Variants in MRPL38 observed in about 807,000 individuals in gnomAD.
MRPL38 encodes mitochondrial ribosomal protein L38, also known as large ribosomal subunit protein mL38.
In MRPL38, 51 loss-of-function variants were observed where a neutral mutation model predicts 52.1. That is an observed-to-expected ratio of 0.98 (90% CI 0.78 to 1.24). MRPL38 has a LOEUF of 1.24. Among genes scored for constraint, MRPL38 ranks in the 50% most tolerant of loss-of-function variants. The pLI, the probability that MRPL38 is intolerant of heterozygous loss-of-function variation, is 0.00. For synonymous variants in MRPL38, 245 were observed against 212.7 expected (o/e 1.15, Z -1.32); for missense variants, 527 against 518.6 (o/e 1.02, Z -0.16).
chr17:75,903,087 T>C (rs2065412144), intron 2 of MRPL38, among the ~76,000 whole-genome samples: 3 of 151,980 alleles, frequency 2.0e-5, no homozygotes, highest in Admixed American at 2.0e-4. Flanking sequence ...CTAGGTAGAG[T>C]GAATGACTGA....
chr17:75,899,662 C>A lies in MRPL38; in HGVS notation c.723G>T (p.Pro241=). Residue 241 remains proline (P), a synonymous_variant, in exon 7 of 9, where the codon CCG becomes CCT. Coordinates refer to ENST00000309352, the MANE Select transcript of MRPL38 (RefSeq NM_032478.4). ...EYLHWLLTNI[P]GNRVAEGQVT... ...CCTGTCCTTCAGCCACCCGGTTACC[C>A]GGGATGTTGGTTCTGGGAGGAGGAA... 1 of 1,574,922 alleles carries A rather than the reference C, an allele frequency of 6.3e-7. No homozygotes were observed. Among genetic ancestry groups the A allele is most frequent in the Non-Finnish European group, 8.6e-7 (1 of 1,158,252 alleles).
intron 2 of MRPL38, among the ~76,000 whole-genome samples, chr17:75,902,782 C>T (rs758917612): frequency 6.6e-6 from 1 of 152,158 alleles, no homozygotes; most frequent in African/African-American, 2.4e-5. Flanking sequence ...AGTGCAGTGG[C>T]GCGATCTCGG....
chr17:75,901,235 C>G lies in MRPL38; in HGVS notation c.630G>C (p.Glu210Asp). The part of the protein sequence containing the change: ...QAPEVTYEAE[E>D]GSLWTLLLTS... ...TGAGTAGCAACGTCCACAAGGAGCC[C>G]TCTTCTGCCTCATAGGTCACCTCTG... The change falls in exon 5 of 9, where the codon GAG (glutamate) becomes GAC (aspartate). Residue 210 changes from glutamate to aspartate, a missense_variant. Transcript: ENST00000309352. This position sits in a 1 kb window ranked among gnomAD's most constrained non-coding sequence, Gnocchi z 5.7. 1 of 1,613,652 alleles carries G rather than the reference C, an allele frequency of 6.2e-7. No homozygotes were observed. The highest frequency in any genetic ancestry group is 8.5e-7 in the Non-Finnish European group (1 of 1,179,844).
rs2065422523 is a variant in MRPL38 at position 75,904,878 on chromosome 17, T to C, written c.-3A>G. The stretch of plus-strand genomic sequence containing the variant: ...GCTCGCCACCAGGGCGCCGCCATCT[T>C]CCCTCCGGCCTGCGACACTGCGGCC... On this transcript the variant is annotated 5_prime_UTR_variant, in exon 1 of 9. Coordinates refer to ENST00000309352, the MANE Select transcript of MRPL38 (RefSeq NM_032478.4). 6.6e-7 allele frequency: 1 copy of C among 1,515,152 alleles called. No individual in the cohort carries two copies. The allele number at this position is 1,515,152 out of a possible 1,614,324, so 93.9% of individuals were successfully genotyped here.
rs772425113 is a variant in MRPL38 at position 75,899,616 on chromosome 17, G to C, written c.769C>G (p.Pro257Ala). The C allele has an allele frequency of 1.2e-5, 19 of 1,607,520 alleles. No homozygotes were observed. The highest frequency in any genetic ancestry group is 2.2e-5 in the East Asian group (1 of 44,734). Residue 257 changes from proline (P) to alanine (A), a missense_variant, in exon 7 of 9, where the codon CCC becomes GCC. By Grantham distance (27) the Pro-to-Ala change is conservative. Coordinates refer to ENST00000309352, the MANE Select transcript of MRPL38 (RefSeq NM_032478.4). ...EGQVTCPYLP[P>A]FPARGSGIHR... ...ATGCCGGAGCCTCGGGCAGGGAAGG[G>C]GGGGAGGTAGGGACACGTCACCTGT...
rs77352684 is a variant in MRPL38, at chr17:75,902,003, C to T, written c.382+17G>A. On this transcript the variant is annotated intron_variant, in intron 3 of 8. Coordinates refer to ENST00000309352, the MANE Select transcript of MRPL38 (RefSeq NM_032478.4). ...GTACCCCAACTCTGGGATGGCCCCT[C>T]CCCTGAGAAGGCTTACCTGTGCGGA... 3,906 of 1,613,140 alleles carry T rather than the reference C, an allele frequency of 2.4e-3. 96 individuals are homozygous for T. In the African/African-American group the frequency reaches 0.048, roughly 20 times the overall value.
chr17:75,901,198 C>T lies in MRPL38; in HGVS notation c.664+3G>A, dbSNP rs1265496334. ...GGAGGCCTGGTGAGCCCCAGACACCCACCCAAGCTAGTGAGTAGCAACGTC... is the reference window on the plus strand; with the variant it reads ...GGAGGCCTGGTGAGCCCCAGACACCTACCCAAGCTAGTGAGTAGCAACGTC... On this transcript the variant is annotated splice_donor_region_variant and intron_variant, in intron 5 of 8. Transcript: ENST00000309352. This position sits in a 1 kb window ranked among gnomAD's most constrained non-coding sequence, Gnocchi z 5.7. 1.2e-6 allele frequency: 2 copies of T among 1,613,448 alleles called. No individual in the cohort carries two copies. Among genetic ancestry groups the T allele is most frequent in the African/African-American group, 2.7e-5 (2 of 75,048 alleles).
At chr17:75,904,374 G>A in intron 2 of MRPL38, 166 bp downstream of exon 2, 8 of 778,154 alleles carry the variant, frequency 1.0e-5, no homozygotes, top group Non-Finnish European at 4.5e-6. Context: ...AAAATCCTGG[G>A]GTGATTAAGC....
At chr17:75,902,442 C>T (rs2065409298) in intron 2 of MRPL38, among the ~76,000 whole-genome samples, 2 of 152,078 alleles carry the variant, frequency 1.3e-5, no homozygotes, top group South Asian at 4.1e-4. Context: ...GATGGGATCT[C>T]ATTATGTTGC....
At chr17:75,904,771 C>CG (rs2065421472) in intron 1 of MRPL38, 38 bp downstream of exon 1, 2 of 20,686 alleles carry the variant, frequency 9.7e-5, no homozygotes, top group Non-Finnish European at 1.2e-4. Context: ...CGGGCGACAG[C>CG]CCCCCCCCCC....
At position 75,898,819 on chromosome 17, in the gene MRPL38, C is replaced by T; in HGVS notation, c.*31G>A. On this transcript the variant is annotated 3_prime_UTR_variant, in exon 9 of 9. Transcript: ENST00000309352. The stretch of plus-strand genomic sequence containing the variant: ...TCTTTACTCTTGCTGCCGATCAATC[C>T]CATGCTCTGAAATGCGCACACTCTG... 6.2e-7 allele frequency: 1 copy of T among 1,610,518 alleles called. No homozygotes were observed. Among genetic ancestry groups the T allele is most frequent in the Non-Finnish European group, 8.5e-7 (1 of 1,178,986 alleles).
chr17:75,900,955 C>G (rs757334281), intron 6 of MRPL38, 27 bp downstream of exon 6: 3 of 1,609,300 alleles, frequency 1.9e-6, no homozygotes, highest in South Asian at 1.1e-5. Flanking sequence ...GGGCAGCACC[C>G]CCTACCCCCA....
At chr17:75,904,770 G>GCCCCCCCCCCCCCCCCCCCCCCCCC in intron 1 of MRPL38, 39 bp downstream of exon 1, 2 of 500,004 alleles carry the variant, frequency 4.0e-6, no homozygotes, top group Non-Finnish European at 5.6e-6. Flanking sequence ...TCGGGCGACA[G>GCCCCCCCCCCCCCCCCCCCCCCCCC]CCCCCCCCCC....
intron 6 of MRPL38, 105 bp from the exon 7 acceptor site, chr17:75,899,779 C>G: frequency 1.0e-6 from 1 of 976,024 alleles, no homozygotes; most frequent in Non-Finnish European, 1.4e-6. Flanking sequence ...CCTGGGAGGA[C>G]AGCTCTAAGC....
At chr17:75,903,334 A>G (rs2065413330) in intron 2 of MRPL38, among the ~76,000 whole-genome samples, 1 of 152,224 alleles carries the variant, frequency 6.6e-6, no homozygotes, top group Non-Finnish European at 1.5e-5. Flanking sequence ...GCTTGAACCC[A>G]GGAGGCAGAG....
In MRPL38 at chr17:75,901,657, G is replaced by A; in HGVS notation, c.591+55C>T. On this transcript the variant is annotated intron_variant, in intron 4 of 8. Transcript: ENST00000309352. The surrounding 1 kb of genome is among the most constrained non-coding windows in gnomAD (Gnocchi z 5.7). Reference sequence around the variant, plus strand: ...CCAGGAGTGTCTGTGACACTGAGATGGGATGTGTCTGTGTTTGCACAGGGC... The same window carrying A: ...CCAGGAGTGTCTGTGACACTGAGATAGGATGTGTCTGTGTTTGCACAGGGC... 6.8e-7 allele frequency: 1 copy of A among 1,464,808 alleles called. No homozygotes were observed. The highest frequency in any genetic ancestry group is 2.3e-5 in the East Asian group (1 of 43,924). The allele number at this position is 1,464,808 out of a possible 1,614,324, so 90.7% of individuals were successfully genotyped here.
chr17:75,900,604 C>T, intron 6 of MRPL38: 1 of 255,852 alleles, frequency 3.9e-6, no homozygotes, highest in South Asian at 1.2e-4. Flanking sequence ...ACCTGTAGTC[C>T]CAGCTACTCA....
At position 75,900,932 on chromosome 17, in the gene MRPL38, C is replaced by T. The variant is rs143749124; in HGVS notation, c.710+50G>A. The stretch of plus-strand genomic sequence containing the variant: ...AGCAGCTCAGTCCAGGCTCCCAGCT[C>T]CTCTTCCCGCCTGGGCAGCACCCCC... On this transcript the variant is annotated intron_variant, in intron 6 of 8. Transcript: ENST00000309352. The T allele has an allele frequency of 9.9e-4, 1,568 of 1,578,530 alleles. 13 individuals carry two copies. The African/African-American group carries it at 0.023, about 23-fold the overall frequency.
In MRPL38 at chr17:75,901,776, G is replaced by A; in HGVS notation, c.527C>T (p.Ala176Val). The A allele has an allele frequency of 6.2e-7, 1 of 1,613,756 alleles. No individual in the cohort carries two copies. The highest frequency in any genetic ancestry group is 8.5e-7 in the Non-Finnish European group (1 of 1,179,864). The change falls in exon 4 of 9, where the codon GCC becomes GTC. Residue 176 changes from alanine (A) to valine (V), a missense_variant. Physicochemically the swap from Ala to Val is moderately conservative, Grantham distance 64 (BLOSUM62 0). Transcript: ENST00000309352. The surrounding 1 kb of genome is among the most constrained non-coding windows in gnomAD (Gnocchi z 5.7). ...CAGGTCATCCTCACCCACAGCGTAG[G>A]CCACGTGCAGGGGGACTCGGGGCAC... ...TFVPRVPLHVAYAVGEDDLMP... is the reference protein window; with the variant it reads ...TFVPRVPLHVVYAVGEDDLMP...
Sources: allele counts gnomAD v4.1 joint callset (sites outside exome capture counted in the v4.1 genomes callset), GRCh38; gene constraint gnomAD v4.1.1; non-coding constraint Gnocchi (gnomAD v3.1); transcripts MANE v1.5; gene names NCBI Gene and HGNC (gene_info 2026-07-23, HGNC 2026-07-21).